JAM3: variants seen among roughly 807,000 people sequenced by gnomAD.
JAM3 encodes junctional adhesion molecule C.
Under a neutral mutation model 39.4 loss-of-function variants are expected in JAM3, and 31 were observed. The observed-to-expected ratio is 0.79, with a 90% CI of 0.59 to 1.06. JAM3 has a LOEUF of 1.06. Ranked by LOEUF, JAM3 falls within the 50% of genes least tolerant of loss-of-function variation. The probability of loss-of-function intolerance (pLI) is 0.00; values close to 1 mark genes in which losing one functional copy is unlikely to be tolerated. For missense variants in JAM3, 455 were observed against 391.4 expected (o/e 1.16, Z -1.37); for synonymous variants, 182 against 148.7 (o/e 1.22, Z -1.63).
intron 1 of JAM3, among the ~76,000 whole-genome samples, chr11:134,119,677 T>G (rs1190955285): frequency 1.3e-5 from 2 of 152,184 alleles, no homozygotes; most frequent in Non-Finnish European, 2.9e-5. Flanking sequence ...CCAGTCTTTG[T>G]GTTTTATTTA....
intron 6 of JAM3, among the ~76,000 whole-genome samples, chr11:134,146,897 C>A (rs1222524895): frequency 6.6e-6 from 1 of 152,178 alleles, no homozygotes; most frequent in Non-Finnish European, 1.5e-5. Context: ...TCCCTCCTCC[C>A]TATTTGGAGC....
chr11:134,104,309 T>G (rs901435420), intron 1 of JAM3, among the ~76,000 whole-genome samples: 2 of 152,062 alleles, frequency 1.3e-5, no homozygotes, highest in African/African-American at 4.8e-5. Context: ...TTGAAACCAA[T>G]GAGAACAAAG....
chr11:134,121,092 G>T (rs1291244510), intron 1 of JAM3, among the ~76,000 whole-genome samples: 1 of 152,146 alleles, frequency 6.6e-6, no homozygotes, highest in Non-Finnish European at 1.5e-5. Context: ...CGTCACTCCA[G>T]AGGCTGGGGA....
intron 1 of JAM3, among the ~76,000 whole-genome samples, chr11:134,095,436 C>A (rs1214992342): frequency 6.6e-6 from 1 of 152,076 alleles, no homozygotes; most frequent in East Asian, 1.9e-4. Flanking sequence ...TCGAGACCAT[C>A]CTGGCCAACA....
Position 134,149,409 on chromosome 11 carries a change from CTG to C in JAM3, c.*229_*230del, listed in dbSNP as rs766757655. 5 of 618,346 alleles carry C rather than the reference CTG, an allele frequency of 8.1e-6. No homozygotes were observed. The highest frequency in any genetic ancestry group is 1.4e-5 in the Non-Finnish European group (5 of 346,188). 38.3% of individuals were successfully genotyped at this position (618,346 alleles called of 1,614,324 possible). A position where few individuals can be genotyped will look rare whatever the true frequency, so the allele number is the denominator to read the frequency against. On this transcript the variant is annotated 3_prime_UTR_variant, in exon 9 of 9. Transcript: ENST00000299106. Reference sequence around the variant, plus strand: ...TAAATATAACCACAAGGAAGCGAAACTGGGTGCGTTCACTGAGTTGGGTTCCT... The same window carrying C: ...TAAATATAACCACAAGGAAGCGAAACGGTGCGTTCACTGAGTTGGGTTCCT...
At position 134,144,961 on chromosome 11, in the gene JAM3, T is replaced by C. The variant is rs756473212; in HGVS notation, c.579T>C (p.Ser193=). The C allele has an allele frequency of 4.3e-6, 7 of 1,614,206 alleles. No homozygotes were observed. Among genetic ancestry groups the C allele is most frequent in the Non-Finnish European group, 5.9e-6 (7 of 1,180,018 alleles). ...DSRANPRFRN[S]SFHLNSETGT... Reference sequence around the variant, plus strand: ...GAGCCAATCCCAGATTTCGCAATTCTTCTTTCCACTTAAACTCTGAAACAG... The same window carrying C: ...GAGCCAATCCCAGATTTCGCAATTCCTCTTTCCACTTAAACTCTGAAACAG... The change falls in exon 5 of 9, where the codon TCT becomes TCC. Residue 193 remains serine (S), a synonymous_variant. Transcript: ENST00000299106.
At chr11:134,147,115 G>A (rs1192183057) in intron 6 of JAM3, among the ~76,000 whole-genome samples, 5 of 152,096 alleles carry the variant, frequency 3.3e-5, no homozygotes, top group Admixed American at 6.6e-5. Flanking sequence ...ACCTACTTTA[G>A]CCTATTGACT....
intron 1 of JAM3, among the ~76,000 whole-genome samples, chr11:134,112,069 C>T (rs1565492647): frequency 6.6e-6 from 1 of 152,164 alleles, no homozygotes; most frequent in African/African-American, 2.4e-5. Context: ...CATATGGCAA[C>T]ACTTTTATTA....
At position 134,149,329 on chromosome 11, in the gene JAM3, C is replaced by T. The variant is rs1591811768; in HGVS notation, c.*148C>T. The stretch of plus-strand genomic sequence containing the variant: ...GTTTTGGCCAAAGTTGACCACTACT[C>T]TTCTTACTCTAACAAGCCACATGAA... On this transcript the variant is annotated 3_prime_UTR_variant, in exon 9 of 9. Coordinates refer to ENST00000299106, the MANE Select transcript of JAM3 (RefSeq NM_032801.5). 1 of 825,252 alleles carries T rather than the reference C, an allele frequency of 1.2e-6. No homozygotes were observed. The highest frequency in any genetic ancestry group is 1.5e-5 in the South Asian group (1 of 67,838). The allele number at this position is 825,252 out of a possible 1,614,324, so 51.1% of individuals were successfully genotyped here.
intron 6 of JAM3, 168 bp from the exon 7 acceptor site, chr11:134,148,379 G>GT: frequency 1.3e-6 from 1 of 748,016 alleles, no homozygotes; most frequent in Admixed American, 2.1e-5. Flanking sequence ...TGTCCTATAT[G>GT]TTCTAGGCTA....
intron 6 of JAM3, 107 bp from the exon 7 acceptor site, chr11:134,148,440 G>A: frequency 1.7e-5 from 25 of 1,445,500 alleles, no homozygotes; most frequent in Non-Finnish European, 2.3e-5. Context: ...TGAGGGGGCA[G>A]GGGGCAAGTG....
chr11:134,145,026 A>T, intron 5 of JAM3, 32 bp downstream of exon 5: 1 of 1,540,744 alleles, frequency 6.5e-7, no homozygotes, highest in South Asian at 1.1e-5. Flanking sequence ...GAGGATGGAG[A>T]TGTCTTTGTT....
At chr11:134,116,215 A>C (rs1266184034) in intron 1 of JAM3, among the ~76,000 whole-genome samples, 1 of 152,208 alleles carries the variant, frequency 6.6e-6, no homozygotes, top group African/African-American at 2.4e-5. Context: ...TCGGTGGATA[A>C]GATGTTATGA....
At chr11:134,092,055 T>G (rs1050211378) in intron 1 of JAM3, among the ~76,000 whole-genome samples, 1 of 152,182 alleles carries the variant, frequency 6.6e-6, no homozygotes, top group African/African-American at 2.4e-5. Context: ...TTTCATCCCC[T>G]TTCGCAGAAT....
Position 134,079,097 on chromosome 11 carries a change from C to G in JAM3, c.76+9938C>G, listed in dbSNP as rs1308990424. Among the ~76,000 whole-genome samples the G allele has an allele frequency of 2.6e-5, 4 of 152,078 alleles. No homozygotes were observed. In the East Asian group the frequency reaches 7.7e-4, roughly 29 times the overall value. ...GCTTTTTTTTTCATCGCATACACCC[C>G]CAGGAAGTTCTGATATTCTTGAGGG... On this transcript the variant is annotated intron_variant, in intron 1 of 8. Transcript: ENST00000299106.
At chr11:134,148,732 C>G (rs747435076) in intron 7 of JAM3, 32 bp from the exon 8 acceptor site, 2 of 1,613,938 alleles carry the variant, frequency 1.2e-6, no homozygotes, top group South Asian at 2.2e-5. Context: ...ATATAACAAC[C>G]CTGTTGCTAA....
chr11:134,119,403 G>A lies in JAM3; in HGVS notation c.77-20448G>A, dbSNP rs189581982. On this transcript the variant is annotated intron_variant, in intron 1 of 8. Transcript: ENST00000299106. ...CCACTGGAAGAGCTTTTCATATAAT[G>A]TCTATACAGTGAAATGACTTAAGAT... is the stretch of plus-strand genomic sequence containing the variant. Among the ~76,000 whole-genome samples the A allele has an allele frequency of 1.6e-4, 25 of 152,336 alleles. No individual in the cohort carries two copies. The East Asian group carries it at 4.8e-3, about 29-fold the overall frequency.
chr11:134,116,610 T>G (rs560656974), intron 1 of JAM3, among the ~76,000 whole-genome samples: 5 of 152,302 alleles, frequency 3.3e-5, no homozygotes, highest in African/African-American at 1.2e-4. Flanking sequence ...CAGGCTTATC[T>G]TGTATTTTCC....
At chr11:134,099,400 C>T (rs1316841452) in intron 1 of JAM3, among the ~76,000 whole-genome samples, 3 of 152,042 alleles carry the variant, frequency 2.0e-5, no homozygotes, top group East Asian at 3.9e-4. Context: ...CTCTCCTACT[C>T]CTCACTACTT....
Sources: gnomAD v4.1 joint callset for allele counts (sites outside exome capture counted in the v4.1 genomes callset) on GRCh38, gnomAD v4.1.1 for gene constraint, MANE v1.5 for transcripts, NCBI Gene and HGNC (gene_info 2026-07-23, HGNC 2026-07-21) for gene names.